The following PPP2R1B variants were observed in gnomAD, a reference collection of about 807,000 sequenced individuals.
PPP2R1B encodes the protein protein phosphatase 2 scaffold subunit Abeta.
In PPP2R1B, 58 loss-of-function variants were observed where a neutral mutation model predicts 72.7. The observed-to-expected ratio is 0.80, with a 90% CI of 0.65 to 0.99. The LOEUF (loss-of-function observed/expected upper bound fraction) is 0.99. Among genes scored for constraint, PPP2R1B ranks in the 50% least tolerant of loss-of-function variants. The pLI, the probability that PPP2R1B is intolerant of heterozygous loss-of-function variation, is 0.00. For missense variants in PPP2R1B, 695 were observed against 733.6 expected (o/e 0.95, Z 0.61); for synonymous variants, 256 against 264.6 (o/e 0.97, Z 0.32).
At chr11:111,748,856 T>C (rs1944797585) in intron 10 of PPP2R1B, among the ~76,000 whole-genome samples, 1 of 152,138 alleles carries the variant, frequency 6.6e-6, no homozygotes, top group Non-Finnish European at 1.5e-5. Context: ...AAAATAGCTT[T>C]TTTTTTTTGA....
At chr11:111,757,131 G>A (rs1371968250) in intron 5 of PPP2R1B, among the ~76,000 whole-genome samples, 9 of 150,000 alleles carry the variant, frequency 6.0e-5, no homozygotes, top group South Asian at 2.1e-4. Flanking sequence ...AAAAAACACC[G>A]AAAAAAAAGA....
chr11:111,694,230 G>A, the PPP2R1B span, among the ~76,000 whole-genome samples: 1 of 152,080 alleles, frequency 6.6e-6, no homozygotes, highest in Non-Finnish European at 1.5e-5. Context: ...CTCTCGGCAT[G>A]TTTTTTTAAT....
At chr11:111,712,935 C>T in the PPP2R1B span, among the ~76,000 whole-genome samples, 1 of 152,136 alleles carries the variant, frequency 6.6e-6, no homozygotes, top group African/African-American at 2.4e-5. Context: ...GAGGCCGAGG[C>T]GGGCAGATTG....
chr11:111,755,518 G>A (rs1321458061), intron 5 of PPP2R1B, 68 bp from the exon 6 acceptor site: 11 of 1,440,562 alleles, frequency 7.6e-6, no homozygotes, highest in African/African-American at 4.4e-5. Flanking sequence ...GTGGGGTGGT[G>A]CAGGTGTTTA....
At chr11:111,730,423 C>A (rs913308247) in intron 15 of PPP2R1B, 1 of 152,110 alleles carries the variant, frequency 6.6e-6, no homozygotes, top group Non-Finnish European at 1.5e-5. Context: ...TGCTTCACTT[C>A]GGGGACTGCA....
chr11:111,739,532 G>A lies in PPP2R1B; in HGVS notation c.*2064C>T, dbSNP rs756830327. ...CGCTGAACCCCCGACCCATGCTTGA[G>A]AAAGCCAGGGCCCACTCTCCCTCTC... On this transcript the variant is annotated 3_prime_UTR_variant, in exon 15 of 15. Coordinates refer to ENST00000527614, the MANE Select transcript of PPP2R1B (RefSeq NM_002716.5). The A allele has an allele frequency of 1.3e-5, 13 of 985,410 alleles. No homozygotes were observed. The highest frequency in any genetic ancestry group is 1.4e-5 in the Non-Finnish European group (12 of 829,950). 61.0% of individuals were successfully genotyped at this position (985,410 alleles called of 1,614,324 possible). A position where few individuals can be genotyped will look rare whatever the true frequency, so the allele number is the denominator to read the frequency against.
chr11:111,700,585 G>T, the PPP2R1B span, among the ~76,000 whole-genome samples: 3 of 152,124 alleles, frequency 2.0e-5, no homozygotes, highest in African/African-American at 4.8e-5. Context: ...TACTAGTTGG[G>T]TTGTCCACTT....
At chr11:111,720,018 C>T in the PPP2R1B span, 9 of 1,605,718 alleles carry the variant, frequency 5.6e-6, no homozygotes, top group Admixed American at 1.7e-5. Context: ...GGTAGAGGAG[C>T]GACACTAGCT....
downstream of PPP2R1B, chr11:111,737,443 C>A (rs1334253973): frequency 6.2e-7 from 1 of 1,614,244 alleles, no homozygotes. Flanking sequence ...CTTCCGGGCA[C>A]TTACCTTCCC....
Position 111,739,007 on chromosome 11 carries a change from G to C in PPP2R1B, c.*2589C>G. 4.1e-6 allele frequency: 4 copies of C among 985,044 alleles called. No individual in the cohort carries two copies. The highest frequency in any genetic ancestry group is 4.8e-6 in the Non-Finnish European group (4 of 829,900). The allele number at this position is 985,044 out of a possible 1,614,324, so 61.0% of individuals were successfully genotyped here. On this transcript the variant is annotated 3_prime_UTR_variant, in exon 15 of 15. Coordinates refer to ENST00000527614, the MANE Select transcript of PPP2R1B (RefSeq NM_002716.5). ...CAACATTACATGTCTGAAGCAATCAGACAAATCCACACAGAACTGTAGTCT... is the reference window on the plus strand; with the variant it reads ...CAACATTACATGTCTGAAGCAATCACACAAATCCACACAGAACTGTAGTCT...
At chr11:111,723,494 A>AGGCTCCAGCAGAAGCGACTCTTT, downstream of PPP2R1B, 1 of 1,589,842 alleles carries the variant, frequency 6.3e-7, no homozygotes, top group Non-Finnish European at 8.6e-7. Context: ...TTACCAATTT[A>AGGCTCCAGCAGAAGCGACTCTTT]GGCTCCAGCA....
At chr11:111,764,711 C>T (rs1273887471) in intron 3 of PPP2R1B, 94 bp downstream of exon 3, 1 of 1,235,434 alleles carries the variant, frequency 8.1e-7, no homozygotes, top group Non-Finnish European at 1.1e-6. Flanking sequence ...AAAAGATCTG[C>T]ATAAAAAATG....
chr11:111,741,349 C>T lies in PPP2R1B; in HGVS notation c.*247G>A. ...TGGTGATGGATAAAGCATTAGGAGA[C>T]AATCAAGTGTCAGGAATTGGTCAAT... On this transcript the variant is annotated 3_prime_UTR_variant, in exon 15 of 15. Transcript: ENST00000527614. 1 of 1,332,736 alleles carries T rather than the reference C, an allele frequency of 7.5e-7. No individual in the cohort carries two copies. Among genetic ancestry groups the T allele is most frequent in the South Asian group, 1.8e-5 (1 of 56,012 alleles). 82.6% of individuals were successfully genotyped at this position (1,332,736 alleles called of 1,614,324 possible).
At chr11:111,720,618 C>A in the PPP2R1B span, 2 of 1,614,100 alleles carry the variant, frequency 1.2e-6, no homozygotes, top group Non-Finnish European at 1.7e-6. Flanking sequence ...TCAGCCTTCA[C>A]CCCGCATGAC....
chr11:111,737,646 C>A, downstream of PPP2R1B: 1 of 1,595,916 alleles, frequency 6.3e-7, no homozygotes, highest in Non-Finnish European at 8.5e-7. Flanking sequence ...TGCTTCCCAG[C>A]CAGGATGCCC....
intron 10 of PPP2R1B, 31 bp from the exon 11 acceptor site, chr11:111,748,045 A>G: frequency 2.5e-6 from 4 of 1,587,290 alleles, no homozygotes; most frequent in Non-Finnish European, 3.4e-6. Flanking sequence ...ATTAACATAC[A>G]TTGCCAAAAT....
chr11:111,694,105 G>A, the PPP2R1B span, among the ~76,000 whole-genome samples: 14 of 152,190 alleles, frequency 9.2e-5, no homozygotes, highest in Non-Finnish European at 1.8e-4. Flanking sequence ...TAAATTGTTA[G>A]ATAAAGCTCC....
chr11:111,747,006 A>T (rs1338191828), intron 11 of PPP2R1B, among the ~76,000 whole-genome samples: 1 of 152,198 alleles, frequency 6.6e-6, no homozygotes, highest in Non-Finnish European at 1.5e-5. Flanking sequence ...GCAGACACAA[A>T]TATCCTCATT....
downstream of PPP2R1B, chr11:111,726,003 C>T (rs747586240): frequency 6.6e-6 from 1 of 152,118 alleles, no homozygotes; most frequent in Non-Finnish European, 1.5e-5. Flanking sequence ...TATTCCTGCT[C>T]GTGCTTAAGA....
Sources: allele counts gnomAD v4.1 joint callset (sites outside exome capture counted in the v4.1 genomes callset), GRCh38; gene constraint gnomAD v4.1.1; transcripts MANE v1.5; gene names NCBI Gene and HGNC (gene_info 2026-07-23, HGNC 2026-07-21).